Variants in GPR139 observed in about 807,000 individuals in gnomAD.
The protein encoded by GPR139 is G protein-coupled receptor 139.
In GPR139, 12 loss-of-function variants were observed where a neutral mutation model predicts 25.8. The observed-to-expected ratio is 0.47, with a 90% CI of 0.30 to 0.75. The LOEUF (loss-of-function observed/expected upper bound fraction) is 0.75, where lower values mean the gene tolerates loss of function less well. Among genes scored for constraint, GPR139 ranks in the 30% least tolerant of loss-of-function variants. The pLI is 0.07. For synonymous variants in GPR139, 184 were observed against 179.9 expected (o/e 1.02, Z -0.18); for missense variants, 380 against 450.2 (o/e 0.84, Z 1.41).
intron 1 of GPR139, among the ~76,000 whole-genome samples, chr16:20,067,804 C>CAA (rs35387821): frequency 0.58 from 39,850 of 68,534 alleles, 12,121 homozygotes; most frequent in East Asian, 0.93. Flanking sequence ...AACTCCATCT[C>CAA]AAAAAAAAAA....
rs2057469887 is a variant in GPR139, at chr16:20,073,736, C to T, written c.-120G>A. The stretch of plus-strand genomic sequence containing the variant: ...AGCTGGAGCAGCAGCGCCTCTCTCC[C>T]CGCAGGACTGGCTCCTACCCTTGGC... On this transcript the variant is annotated 5_prime_UTR_variant, in exon 1 of 2. Coordinates refer to ENST00000570682, the MANE Select transcript of GPR139 (RefSeq NM_001002911.4). This position sits in a 1 kb window ranked among gnomAD's most constrained non-coding sequence, Gnocchi z 4.7. The T allele has an allele frequency of 7.9e-7, 1 of 1,271,870 alleles. No homozygotes were observed. Among genetic ancestry groups the T allele is most frequent in the Non-Finnish European group, 1.1e-6 (1 of 946,152 alleles). The allele number at this position is 1,271,870 out of a possible 1,614,324, so 78.8% of individuals were successfully genotyped here. A position where few individuals can be genotyped will look rare whatever the true frequency, so the allele number is the denominator to read the frequency against.
At chr16:20,068,096 A>G (rs2057442848) in intron 1 of GPR139, among the ~76,000 whole-genome samples, 1 of 152,126 alleles carries the variant, frequency 6.6e-6, no homozygotes, top group Non-Finnish European at 1.5e-5. Context: ...AAACTAAAAT[A>G]CTAATAACAG....
At chr16:20,065,788 G>T (rs564956323) in intron 1 of GPR139, among the ~76,000 whole-genome samples, 1 of 151,450 alleles carries the variant, frequency 6.6e-6, no homozygotes, top group African/African-American at 2.4e-5. Flanking sequence ...CAGAAGAATC[G>T]CTTGAACCTG....
chr16:20,072,908 A>T (rs2057464825), intron 1 of GPR139, among the ~76,000 whole-genome samples: 1 of 152,030 alleles, frequency 6.6e-6, no homozygotes, highest in Non-Finnish European at 1.5e-5. Context: ...CCAACCCCTG[A>T]TTCTCCTTAG....
chr16:20,056,658 G>A (rs2057389279), intron 1 of GPR139, among the ~76,000 whole-genome samples: 1 of 152,150 alleles, frequency 6.6e-6, no homozygotes, highest in African/African-American at 2.4e-5. Context: ...AACATTAATG[G>A]TTATAATTGA....
intron 1 of GPR139, among the ~76,000 whole-genome samples, chr16:20,065,052 T>C (rs183310916): frequency 1.0e-3 from 157 of 152,282 alleles, no homozygotes; most frequent in Middle Eastern, 3.4e-3. Flanking sequence ...TAGATTCTTC[T>C]TCTTTTTTTT....
At chr16:20,035,165 A>G (rs999099569) in intron 1 of GPR139, among the ~76,000 whole-genome samples, 2 of 151,802 alleles carry the variant, frequency 1.3e-5, no homozygotes, top group African/African-American at 4.8e-5. Context: ...TTTTTTTTAA[A>G]GTCTATACTG....
At chr16:20,061,754 C>G (rs72772764) in intron 1 of GPR139, among the ~76,000 whole-genome samples, 1 of 152,166 alleles carries the variant, frequency 6.6e-6, no homozygotes, top group African/African-American at 2.4e-5. Context: ...CTCCTCCCCA[C>G]GCCTGACCCT....
At chr16:20,049,982 C>A (rs1477336594) in intron 1 of GPR139, among the ~76,000 whole-genome samples, 1 of 152,202 alleles carries the variant, frequency 6.6e-6, no homozygotes, top group African/African-American at 2.4e-5. Flanking sequence ...CTTTCCATTG[C>A]AAATAGTGAC....
intron 1 of GPR139, among the ~76,000 whole-genome samples, chr16:20,038,819 T>C (rs146750608): frequency 6.6e-6 from 1 of 152,314 alleles, no homozygotes; most frequent in African/African-American, 2.4e-5. Flanking sequence ...TCCCCATATT[T>C]AAAATTTCTT....
At chr16:20,042,100 C>G (rs1007502976) in intron 1 of GPR139, among the ~76,000 whole-genome samples, 1 of 152,144 alleles carries the variant, frequency 6.6e-6, no homozygotes, top group African/African-American at 2.4e-5. Context: ...TGATGGTGAA[C>G]AAGTGAGCTG....
intron 1 of GPR139, among the ~76,000 whole-genome samples, chr16:20,046,117 C>A (rs1670527646): frequency 6.6e-6 from 1 of 152,180 alleles, no homozygotes; most frequent in South Asian, 2.1e-4. Context: ...GTATTTTTAG[C>A]TGTGGGCAAA....
chr16:20,040,164 C>A (rs2057324950), intron 1 of GPR139, among the ~76,000 whole-genome samples: 2 of 152,168 alleles, frequency 1.3e-5, no homozygotes, highest in African/African-American at 4.8e-5. Context: ...ATAAAGCTCC[C>A]AAGTGGGTGT....
chr16:20,038,369 G>GTTTGTGTGTGTGTGTGTGTGTA (rs4028367), intron 1 of GPR139, among the ~76,000 whole-genome samples: 1 of 133,140 alleles, frequency 7.5e-6, no homozygotes, highest in Non-Finnish European at 1.6e-5. Context: ...GTGTGTGTGT[G>GTTTGTGTGTGTGTGTGTGTGTA]TATTCTATAG....
intron 1 of GPR139, among the ~76,000 whole-genome samples, chr16:20,065,391 T>C (rs1797986194): frequency 6.6e-6 from 1 of 152,194 alleles, no homozygotes; most frequent in East Asian, 1.9e-4. Flanking sequence ...CTCCCACTTC[T>C]CTCGACCTGG....
intron 1 of GPR139, among the ~76,000 whole-genome samples, chr16:20,040,181 A>C (rs2057325026): frequency 6.6e-6 from 1 of 152,288 alleles, no homozygotes; most frequent in East Asian, 1.9e-4. Context: ...GTGTAGTCCC[A>C]CTGCTCACTG....
rs71384434 is a variant in GPR139 at position 20,073,481 on chromosome 16, G to T, written c.127+9C>A. 1.9e-5 allele frequency: 30 copies of T among 1,610,532 alleles called. 2 individuals are homozygous for T. In the Middle Eastern group the frequency reaches 3.8e-3, roughly 205 times the overall value. ...CCTGGCTTCCCTCCCTCTCCCCCAC[G>T]CCCCTCACCTGGTAAACCGAGGCAC... On this transcript the variant is annotated intron_variant, in intron 1 of 1. Coordinates refer to ENST00000570682, the MANE Select transcript of GPR139 (RefSeq NM_001002911.4). The surrounding 1 kb of genome is among the most constrained non-coding windows in gnomAD (Gnocchi z 4.7).
intron 1 of GPR139, among the ~76,000 whole-genome samples, chr16:20,057,065 C>T (rs185561356): frequency 6.6e-6 from 1 of 152,252 alleles, no homozygotes; most frequent in African/African-American, 2.4e-5. Context: ...AAAGACCATG[C>T]TGGGAGAATG....
intron 1 of GPR139, among the ~76,000 whole-genome samples, chr16:20,039,125 A>C (rs1275042336): frequency 2.6e-5 from 4 of 152,188 alleles, no homozygotes; most frequent in Admixed American, 2.0e-4. Flanking sequence ...TAAAAAGCCC[A>C]TGTTTTGTGA....
Sources: allele counts gnomAD v4.1 joint callset (sites outside exome capture counted in the v4.1 genomes callset), GRCh38; gene constraint gnomAD v4.1.1; non-coding constraint Gnocchi (gnomAD v3.1); transcripts MANE v1.5; gene names NCBI Gene and HGNC (gene_info 2026-07-23, HGNC 2026-07-21).